The following MPHOSPH9 variants were observed in gnomAD, a reference collection of about 807,000 sequenced individuals.
MPHOSPH9 encodes the protein M-phase phosphoprotein 9.
A neutral mutation model predicts 145.5 loss-of-function variants in MPHOSPH9; 88 were observed. That is an observed-to-expected ratio of 0.60 (90% CI 0.51 to 0.72). The LOEUF is 0.72. Ranked by LOEUF, MPHOSPH9 falls within the 30% of genes least tolerant of loss-of-function variation. MPHOSPH9 has a pLI of 0.00. For missense variants in MPHOSPH9, 1,238 were observed against 1,386.6 expected (o/e 0.89, Z 1.70); for synonymous variants, 435 against 486.2 (o/e 0.89, Z 1.39).
At chr12:123,215,013 G>A (rs576842065) in intron 6 of MPHOSPH9, among the ~76,000 whole-genome samples, 179 bp from the exon 7 acceptor site, 16 of 152,214 alleles carry the variant, frequency 1.1e-4, no homozygotes, top group Non-Finnish European at 1.6e-4. Context: ...GGAGGCCGAG[G>A]CGGGTGGATC....
chr12:123,164,001 A>C lies in MPHOSPH9; in HGVS notation c.2857T>G (p.Ser953Ala), dbSNP rs1436737428. The change falls in exon 19 of 24, where the codon TCA (serine) becomes GCA (alanine). Residue 953 changes from serine to alanine, a missense_variant. Ser to Ala is a moderately conservative substitution (Grantham distance 99, BLOSUM62 1). Around this residue, in one of 3 missense-constraint regions of MPHOSPH9, gnomAD observed 393 missense variants for 462.5 expected, o/e 0.85. Transcript: ENST00000606320. ...GGTGGTAAAGATGATGATCTCTGTG[A>C]GGCCGAATTAAGTCTCTTTTGTCTC... ...QQRQKRLNSA[S>A]QRSSSLPPSN... 6.2e-7 allele frequency: 1 copy of C among 1,614,046 alleles called. No homozygotes were observed. The highest frequency in any genetic ancestry group is 1.3e-5 in the African/African-American group (1 of 74,936).
downstream of MPHOSPH9, among the ~76,000 whole-genome samples, chr12:123,153,968 A>G (rs1261799169): frequency 6.6e-6 from 1 of 152,156 alleles, no homozygotes; most frequent in East Asian, 1.9e-4. Context: ...TCTGGCTCCA[A>G]GTCTCTCCTT....
Position 123,165,464 on chromosome 12 carries a change from G to C in MPHOSPH9, c.2605C>G (p.Leu869Val). ...ETCSLGHRSP[L>V]EKDSSPGSSS... Reference sequence around the variant, plus strand: ...CTTCCAGGTGAAGAATCCTTTTCCAGAGGTGAACGGTGCCTTAAACAATAA... The same window carrying C: ...CTTCCAGGTGAAGAATCCTTTTCCACAGGTGAACGGTGCCTTAAACAATAA... The change falls in exon 18 of 24, where the codon CTG (leucine) becomes GTG (valine). Residue 869 changes from leucine to valine, a missense_variant. By Grantham distance (32) the Leu-to-Val change is conservative (BLOSUM62 1). Around this residue, in one of 3 missense-constraint regions of MPHOSPH9, gnomAD observed 393 missense variants for 462.5 expected, o/e 0.85. Coordinates refer to ENST00000606320, the MANE Select transcript of MPHOSPH9 (RefSeq NM_022782.4). The C allele has an allele frequency of 4.3e-6, 7 of 1,613,556 alleles. No homozygotes were observed. The highest frequency in any genetic ancestry group is 5.9e-6 in the Non-Finnish European group (7 of 1,179,930).
intron 1 of MPHOSPH9, among the ~76,000 whole-genome samples, chr12:123,232,537 G>A (rs951262100): frequency 6.6e-6 from 1 of 152,176 alleles, no homozygotes; most frequent in Non-Finnish European, 1.5e-5. Context: ...AGTTAACTGG[G>A]CGCTCCGCCT....
chr12:123,196,549 G>C (rs778929091), intron 12 of MPHOSPH9, among the ~76,000 whole-genome samples: 14 of 152,062 alleles, frequency 9.2e-5, no homozygotes, highest in Non-Finnish European at 1.6e-4. Flanking sequence ...GATTGGGAAT[G>C]ACATAACAAA....
chr12:123,186,004 A>G (rs1235168941), intron 13 of MPHOSPH9, among the ~76,000 whole-genome samples: 15 of 151,990 alleles, frequency 9.9e-5, no homozygotes, highest in Admixed American at 9.8e-4. Flanking sequence ...AGGCGGGTGG[A>G]TCACGAGGTC....
chr12:123,193,108 TACACACACACACAC>T lies in MPHOSPH9; in HGVS notation c.2241+1264_2241+1277del, dbSNP rs4044136. On this transcript the variant is annotated intron_variant, in intron 13 of 23. Transcript: ENST00000606320. ...AAAAAAAAAAAAAAATATATATATA[TACACACACACACAC>T]ACACACACACACACACACACACACA... Among the ~76,000 whole-genome samples, 53 of 94,894 alleles carry T rather than the reference TACACACACACACAC, an allele frequency of 5.6e-4. 1 individual carries two copies. The highest frequency in any genetic ancestry group is 2.7e-3 in the East Asian group (8 of 2,974). 62.3% of individuals were successfully genotyped at this position (94,894 alleles called of 152,430 possible).
At chr12:123,243,326 C>A (rs1593277553) in intron 1 of MPHOSPH9, among the ~76,000 whole-genome samples, 2 of 151,616 alleles carry the variant, frequency 1.3e-5, no homozygotes, top group Non-Finnish European at 2.9e-5. Flanking sequence ...GTCAGGAAAT[C>A]GAGAACAGCC....
upstream of MPHOSPH9, among the ~76,000 whole-genome samples, chr12:123,235,366 C>G (rs772972466): frequency 6.6e-6 from 1 of 151,922 alleles, no homozygotes; most frequent in Non-Finnish European, 1.5e-5. Context: ...TGAGAGGAGT[C>G]GTCAAATACA....
At chr12:123,217,560 T>C (rs1327964463) in intron 6 of MPHOSPH9, among the ~76,000 whole-genome samples, 4 of 152,176 alleles carry the variant, frequency 2.6e-5, no homozygotes, top group Non-Finnish European at 5.9e-5. Flanking sequence ...TTTGAAAGTT[T>C]ATTTTAAACA....
chr12:123,214,855 G>A, intron 6 of MPHOSPH9, 21 bp from the exon 7 acceptor site: 1 of 1,583,470 alleles, frequency 6.3e-7, no homozygotes, highest in Non-Finnish European at 8.7e-7. Context: ...GAAAACTATT[G>A]ATTGACAGCT....
At position 123,175,299 on chromosome 12, in the gene MPHOSPH9, A is replaced by C. The variant is rs540439997; in HGVS notation, c.2456+1389T>G. Among the ~76,000 whole-genome samples the C allele has an allele frequency of 2.0e-3, 302 of 152,064 alleles. 4 individuals are homozygous for C. Among genetic ancestry groups the C allele is most frequent in the South Asian group, 8.3e-4 (4 of 4,806 alleles). ...CGGAGTAGCTGGGACTACAGGCGCC[A>C]GCCACCGCGCCCGGCTAATTTTTTT... is the stretch of plus-strand genomic sequence containing the variant. On this transcript the variant is annotated intron_variant, in intron 16 of 23. Coordinates refer to ENST00000606320, the MANE Select transcript of MPHOSPH9 (RefSeq NM_022782.4).
At chr12:123,199,941 C>T (rs1565941350) in intron 11 of MPHOSPH9, among the ~76,000 whole-genome samples, 1 of 152,144 alleles carries the variant, frequency 6.6e-6, no homozygotes, top group Non-Finnish European at 1.5e-5. Flanking sequence ...AGTTCATGAT[C>T]CTAACCACTG....
At chr12:123,223,921 A>G (rs2047321550) in intron 3 of MPHOSPH9, among the ~76,000 whole-genome samples, 1 of 151,648 alleles carries the variant, frequency 6.6e-6, no homozygotes, top group Admixed American at 6.6e-5. Context: ...AAAAGGATTA[A>G]GTTTTATTTA....
chr12:123,185,809 A>G (rs952073787), intron 13 of MPHOSPH9, among the ~76,000 whole-genome samples: 3 of 152,154 alleles, frequency 2.0e-5, no homozygotes, highest in Non-Finnish European at 4.4e-5. Flanking sequence ...AAAAAGCAAA[A>G]AACAATACAT....
rs558731990 is a variant in MPHOSPH9 at position 123,167,772 on chromosome 12, A to C, written c.2457-983T>G. ...GGACTGTACTGAACAGCGCAATTCT[A>C]GACATTGCTCCCCCAGCTCATCTGA... On this transcript the variant is annotated intron_variant, in intron 16 of 23. Coordinates refer to ENST00000606320, the MANE Select transcript of MPHOSPH9 (RefSeq NM_022782.4). Among the ~76,000 whole-genome samples the C allele has an allele frequency of 2.6e-5, 4 of 152,282 alleles. No homozygotes were observed. In the East Asian group the frequency reaches 7.7e-4, roughly 29 times the overall value.
At chr12:123,187,592 C>A (rs1190360205) in intron 13 of MPHOSPH9, among the ~76,000 whole-genome samples, 3 of 151,904 alleles carry the variant, frequency 2.0e-5, no homozygotes, top group South Asian at 2.1e-4. Flanking sequence ...GGAAATGGCA[C>A]CAAAAATCAA....
intron 23 of MPHOSPH9, among the ~76,000 whole-genome samples, chr12:123,158,002 T>A (rs911834877): frequency 6.6e-6 from 1 of 151,560 alleles, no homozygotes; most frequent in Non-Finnish European, 1.5e-5. Flanking sequence ...TTTTTTTTGG[T>A]TGGGGGAGAC....
At chr12:123,208,813 G>A (rs537210857) in intron 8 of MPHOSPH9, among the ~76,000 whole-genome samples, 6 of 151,840 alleles carry the variant, frequency 4.0e-5, no homozygotes, top group Admixed American at 6.6e-5. Context: ...GTGACCTCCC[G>A]GGCTCAAGTG....
Sources: gnomAD v4.1 joint callset for allele counts (sites outside exome capture counted in the v4.1 genomes callset) on GRCh38, gnomAD v4.1.1 for gene constraint, gnomAD v4.1.1 regional missense constraint, MANE v1.5 for transcripts, NCBI Gene and HGNC (gene_info 2026-07-23, HGNC 2026-07-21) for gene names.